Variants in KCNJ6 observed in about 807,000 individuals in gnomAD.
The protein encoded by KCNJ6 is G protein-activated inward rectifier potassium channel 2.
A neutral mutation model predicts 34.2 loss-of-function variants in KCNJ6; 9 were observed. That is an observed-to-expected ratio of 0.26 (90% CI 0.16 to 0.46). The LOEUF (loss-of-function observed/expected upper bound fraction) is 0.46. Among genes scored for constraint, KCNJ6 ranks in the 20% least tolerant of loss-of-function variants. The pLI is 1.00. For missense variants in KCNJ6, 236 were observed against 531.3 expected, an observed-to-expected ratio of 0.44 and a Z score of 5.46; for synonymous variants, 196 against 207.1, an observed-to-expected ratio of 0.95 and a Z score of 0.46.
Position 37,625,441 on chromosome 21 carries a change from G to T in KCNJ6, c.990C>A (p.Ile330=). The T allele has an allele frequency of 1.2e-6, 2 of 1,614,138 alleles. No homozygotes were observed. Among genetic ancestry groups the T allele is most frequent in the Non-Finnish European group, 1.7e-6 (2 of 1,179,992 alleles). ...QARSSYITSE[I]LWGYRFTPVL... is the part of the protein sequence containing the mutation. ...CAGGTGTGAACCGGTAACCCCACAGGATCTCACTGGTGATGTAGGAGCTTC... is the reference window on the plus strand; with the variant it reads ...CAGGTGTGAACCGGTAACCCCACAGTATCTCACTGGTGATGTAGGAGCTTC... The change falls in exon 4 of 4, where the codon ATC becomes ATA. Residue 330 remains isoleucine, a synonymous_variant. Transcript: ENST00000609713.
At chr21:37,712,551 TC>T (rs1193556735) in intron 3 of KCNJ6, among the ~76,000 whole-genome samples, 17 of 56,124 alleles carry the variant, frequency 3.0e-4, no homozygotes, top group Non-Finnish European at 2.1e-4. Flanking sequence ...TCCTCCTCCC[TC>T]CCTCCTCCCC....
intron 3 of KCNJ6, among the ~76,000 whole-genome samples, chr21:37,677,799 T>TCCATCCATCCATCCATCCAC (rs1556017798): frequency 8.2e-6 from 1 of 121,996 alleles, no homozygotes; most frequent in African/African-American, 4.2e-5. Flanking sequence ...CACCCACCTA[T>TCCATCCATCCATCCATCCAC]CCACCCACCC....
rs1316930914 is a variant in KCNJ6, at chr21:37,715,140, T to A, written c.26-9A>T. 6.2e-7 allele frequency: 1 copy of A among 1,601,268 alleles called. No homozygotes were observed. Among genetic ancestry groups the A allele is most frequent in the Non-Finnish European group, 8.5e-7 (1 of 1,174,168 alleles). On this transcript the variant is annotated splice_polypyrimidine_tract_variant and intron_variant, in intron 2 of 3. Coordinates refer to ENST00000609713, the MANE Select transcript of KCNJ6 (RefSeq NM_002240.5). ...GCCCTCCAGGACGTTAGCTGGTGGT[T>A]TGGAGAAAAGAAAAGAAACACTGAA...
chr21:37,630,158 G>GTGTGTGTGTGTGTGTGTGT (rs1556010880), intron 3 of KCNJ6, among the ~76,000 whole-genome samples: 18 of 145,688 alleles, frequency 1.2e-4, no homozygotes, highest in South Asian at 2.2e-4. Flanking sequence ...GTGTGTGTGT[G>GTGTGTGTGTGTGTGTGTGT]GTGTTTATGT....
chr21:37,776,214 C>T (rs2055141387), intron 2 of KCNJ6, among the ~76,000 whole-genome samples: 1 of 152,288 alleles, frequency 6.6e-6, no homozygotes, highest in East Asian at 1.9e-4. Context: ...TGAGACTTTG[C>T]TGAAGTTGCT....
intron 1 of KCNJ6, among the ~76,000 whole-genome samples, chr21:37,871,250 T>C (rs1457959498): frequency 6.6e-6 from 1 of 152,182 alleles, no homozygotes; most frequent in Non-Finnish European, 1.5e-5. Flanking sequence ...ATAGCTTGCA[T>C]GACATCATAG....
intron 2 of KCNJ6, among the ~76,000 whole-genome samples, chr21:37,746,828 A>G (rs1266571506): frequency 6.6e-6 from 1 of 152,222 alleles, no homozygotes; most frequent in Non-Finnish European, 1.5e-5. Context: ...TACTCTGTAA[A>G]TTGTCCTTTA....
At chr21:37,775,948 G>A (rs1334439148) in intron 2 of KCNJ6, among the ~76,000 whole-genome samples, 1 of 152,006 alleles carries the variant, frequency 6.6e-6, no homozygotes, top group East Asian at 1.9e-4. Context: ...GGGCAGTATG[G>A]CCATTTTCAC....
At chr21:37,709,939 A>G (rs1207357563) in intron 3 of KCNJ6, among the ~76,000 whole-genome samples, 2 of 152,170 alleles carry the variant, frequency 1.3e-5, no homozygotes, top group Non-Finnish European at 2.9e-5. Context: ...GCAACTTCCG[A>G]TTAATTGGCC....
chr21:37,699,000 A>T, intron 3 of KCNJ6, among the ~76,000 whole-genome samples: 1 of 152,092 alleles, frequency 6.6e-6, no homozygotes, highest in East Asian at 1.9e-4. Context: ...CACCTGGCTA[A>T]TTTTGCCATT....
At chr21:37,807,054 G>A (rs530252977) in intron 2 of KCNJ6, among the ~76,000 whole-genome samples, 1 of 152,260 alleles carries the variant, frequency 6.6e-6, no homozygotes, top group Admixed American at 6.5e-5. Context: ...TAGAAAGGTT[G>A]TTTTTCAATT....
chr21:37,823,091 A>G (rs2055381709), intron 2 of KCNJ6, among the ~76,000 whole-genome samples: 1 of 151,962 alleles, frequency 6.6e-6, no homozygotes, highest in Non-Finnish European at 1.5e-5. Flanking sequence ...CCTCCCCTAA[A>G]CCCGAGCAGC....
At chr21:37,790,106 GGTCC>G (rs2055210334) in intron 2 of KCNJ6, among the ~76,000 whole-genome samples, 1 of 152,148 alleles carries the variant, frequency 6.6e-6, no homozygotes, top group Non-Finnish European at 1.5e-5. Context: ...AGACTCAAGT[GGTCC>G]ACAGAACTCA....
At chr21:37,704,783 T>A (rs2054710706) in intron 3 of KCNJ6, among the ~76,000 whole-genome samples, 1 of 152,188 alleles carries the variant, frequency 6.6e-6, no homozygotes, top group African/African-American at 2.4e-5. Flanking sequence ...ATTATAGTGC[T>A]TTCTGGCAGG....
chr21:37,797,542 T>C (rs1225745870), intron 2 of KCNJ6, among the ~76,000 whole-genome samples: 1 of 152,116 alleles, frequency 6.6e-6, no homozygotes, highest in Non-Finnish European at 1.5e-5. Flanking sequence ...ATAACACCAA[T>C]GAAAACATGA....
At chr21:37,892,677 G>A (rs1003662821) in intron 1 of KCNJ6, among the ~76,000 whole-genome samples, 5 of 152,134 alleles carry the variant, frequency 3.3e-5, no homozygotes, top group Admixed American at 6.5e-5. Context: ...GTTGGGAAAA[G>A]GGGTGCAGAA....
rs1601386914 is a variant in KCNJ6, at chr21:37,614,544, G to A, written c.*10615C>T. On this transcript the variant is annotated 3_prime_UTR_variant, in exon 4 of 4. Transcript: ENST00000609713. ...TGTGTGTATGCATGTCTCTGTGTAT[G>A]CGTGTGTGTGTATGCGTGTGTGTAT... 2 of 136,942 alleles carry A rather than the reference G, an allele frequency of 1.5e-5. No individual in the cohort carries two copies. The highest frequency in any genetic ancestry group is 5.7e-5 in the African/African-American group (2 of 34,930). The allele number at this position is 136,942 out of a possible 1,614,324, so 8.5% of individuals were successfully genotyped here.
chr21:37,648,097 C>T (rs2054414048), intron 3 of KCNJ6, among the ~76,000 whole-genome samples: 1 of 152,172 alleles, frequency 6.6e-6, no homozygotes, highest in African/African-American at 2.4e-5. Context: ...ACCACTGACC[C>T]TCATCAGACA....
intron 1 of KCNJ6, among the ~76,000 whole-genome samples, chr21:37,840,977 C>A (rs999145612): frequency 6.6e-6 from 1 of 152,118 alleles, no homozygotes; most frequent in Non-Finnish European, 1.5e-5. Flanking sequence ...TGGTGACGCA[C>A]GACCAGTTTT....
Sources: gnomAD v4.1 joint callset for allele counts (sites outside exome capture counted in the v4.1 genomes callset) on GRCh38, gnomAD v4.1.1 for gene constraint, MANE v1.5 for transcripts, NCBI Gene and HGNC (gene_info 2026-07-23, HGNC 2026-07-21) for gene names.